Variants in FKTN observed in about 807,000 individuals in gnomAD.
FKTN encodes the protein fukutin.
FKTN carries 47 observed loss-of-function variants against 58.6 expected under a neutral mutation model. The ratio of observed to expected loss-of-function variants is 0.80; its 90% CI spans 0.63 to 1.02. The LOEUF is 1.02. FKTN is among the 50% of genes least tolerant of loss of function. The pLI is 0.00. For synonymous variants in FKTN, 178 were observed against 191.9 expected, an observed-to-expected ratio of 0.93 and a Z score of 0.60; for missense variants, 516 against 537.3, an observed-to-expected ratio of 0.96 and a Z score of 0.39.
chr9:105,566,771 G>A (rs61150079), intron 1 of FKTN, among the ~76,000 whole-genome samples: 2,752 of 152,294 alleles, frequency 0.018, 71 homozygotes, highest in African/African-American at 0.063. Flanking sequence ...CAGAAAAAGA[G>A]GGAATCCTCC....
chr9:105,581,763 A>G lies in FKTN; in HGVS notation c.105+6626A>G, dbSNP rs1216229929. Among the ~76,000 whole-genome samples, 22 of 152,188 alleles carry G rather than the reference A, an allele frequency of 1.4e-4. No homozygotes were observed. In the East Asian group the frequency reaches 3.9e-3, roughly 27 times the overall value. ...GGGCAATGGCGGGCGCCCCTCCCCC[A>G]GCCTCGCTGCCGCCTTGCAGTTTGA... On this transcript the variant is annotated intron_variant, in intron 3 of 10. Transcript: ENST00000357998.
intron 10 of FKTN, among the ~76,000 whole-genome samples, chr9:105,631,602 G>T (rs1177999974): frequency 3.3e-5 from 5 of 152,048 alleles, no homozygotes; most frequent in African/African-American, 1.2e-4. Flanking sequence ...CAAAAAGTGG[G>T]TGAAGGACAT....
chr9:105,624,264 T>C (rs1832447956), intron 10 of FKTN: 1 of 152,202 alleles, frequency 6.6e-6, no homozygotes, highest in Non-Finnish European at 1.5e-5. Flanking sequence ...CTTTTCACTT[T>C]CTTCTTATTA....
At chr9:105,595,832 T>C (rs1826687389) in intron 3 of FKTN, among the ~76,000 whole-genome samples, 1 of 152,192 alleles carries the variant, frequency 6.6e-6, no homozygotes, top group African/African-American at 2.4e-5. Flanking sequence ...CATCCTCCCA[T>C]CTATAGCTTA....
intron 5 of FKTN, among the ~76,000 whole-genome samples, chr9:105,602,614 G>A (rs1472091796): frequency 1.3e-5 from 2 of 152,204 alleles, no homozygotes; most frequent in Non-Finnish European, 2.9e-5. Flanking sequence ...GGAGTGCAGT[G>A]GTGCAATCTC....
At chr9:105,573,452 T>G (rs1587855260) in intron 1 of FKTN, among the ~76,000 whole-genome samples, 4 of 152,146 alleles carry the variant, frequency 2.6e-5, no homozygotes, top group Admixed American at 2.6e-4. Context: ...AGCAAGACCC[T>G]GTCTTTACAA....
chr9:105,587,114 A>G (rs189469227), intron 3 of FKTN, among the ~76,000 whole-genome samples: 5 of 152,328 alleles, frequency 3.3e-5, no homozygotes, highest in Non-Finnish European at 7.4e-5. Flanking sequence ...AGACAAAGCC[A>G]ATGAACTATG....
intron 8 of FKTN, among the ~76,000 whole-genome samples, chr9:105,616,879 CA>C (rs377163590): frequency 2.7e-3 from 326 of 119,802 alleles, no homozygotes; most frequent in East Asian, 5.3e-3. Flanking sequence ...TAGAATAAGC[CA>C]AAAAAAAAAA....
chr9:105,572,228 CTG>C (rs567499117), intron 1 of FKTN, among the ~76,000 whole-genome samples: 1,373 of 120,642 alleles, frequency 0.011, 22 homozygotes, highest in African/African-American at 0.048. Context: ...TTTCTTGAGA[CTG>C]TATATATATA....
intron 10 of FKTN, among the ~76,000 whole-genome samples, chr9:105,634,706 C>T (rs1833875893): frequency 6.6e-6 from 1 of 152,158 alleles, no homozygotes; most frequent in African/African-American, 2.4e-5. Flanking sequence ...TGACAGCTTT[C>T]TACTTTGACA....
chr9:105,579,227 T>C (rs1842379352), intron 3 of FKTN, among the ~76,000 whole-genome samples: 1 of 152,334 alleles, frequency 6.6e-6, no homozygotes, highest in African/African-American at 2.4e-5. Flanking sequence ...GTGTTTGCTC[T>C]TGCTTCTCTA....
At chr9:105,616,931 GT>G (rs1258848894) in intron 8 of FKTN, among the ~76,000 whole-genome samples, 1 of 151,252 alleles carries the variant, frequency 6.6e-6, no homozygotes, top group Non-Finnish European at 1.5e-5. Context: ...TTGCTTTAAG[GT>G]TTAATTTTTT....
intron 10 of FKTN, among the ~76,000 whole-genome samples, chr9:105,629,426 T>C (rs765677056): frequency 6.6e-6 from 1 of 152,206 alleles, no homozygotes; most frequent in Non-Finnish European, 1.5e-5. Flanking sequence ...AAGCCTTTTG[T>C]ATTGAGTATG....
intron 3 of FKTN, among the ~76,000 whole-genome samples, chr9:105,595,576 A>C (rs1826626003): frequency 6.6e-6 from 1 of 152,162 alleles, no homozygotes; most frequent in Non-Finnish European, 1.5e-5. Flanking sequence ...GTGAGGAGAG[A>C]CCAATTCTGG....
At chr9:105,576,598 T>C (rs1282425295) in intron 3 of FKTN, among the ~76,000 whole-genome samples, 1 of 132,042 alleles carries the variant, frequency 7.6e-6, no homozygotes, top group African/African-American at 3.0e-5. Context: ...TCCAAGTCTT[T>C]GCTATTGTGA....
Position 105,569,525 on chromosome 9 carries a change from T to G in FKTN, c.-180-4130T>G, listed in dbSNP as rs533685419. On this transcript the variant is annotated intron_variant, in intron 1 of 10. Coordinates refer to ENST00000357998, the MANE Select transcript of FKTN (RefSeq NM_001079802.2). The stretch of plus-strand genomic sequence containing the variant: ...GTGTTCTTGGCTGGAGATGACCTAC[T>G]CTTGGGGTCTAGCTGCCCCAAAGAC... Among the ~76,000 whole-genome samples, 57 of 152,276 alleles carry G rather than the reference T, an allele frequency of 3.7e-4. 1 individual carries two copies. Among genetic ancestry groups the G allele is most frequent in the African/African-American group, 1.2e-3 (48 of 41,552 alleles).
chr9:105,576,301 A>G (rs899293481), intron 3 of FKTN, among the ~76,000 whole-genome samples: 3 of 152,092 alleles, frequency 2.0e-5, no homozygotes, highest in Middle Eastern at 3.4e-3. Context: ...ATATCTCCCA[A>G]TGCTATCCCT....
At chr9:105,602,382 G>A (rs571972615) in intron 5 of FKTN, among the ~76,000 whole-genome samples, 3 of 152,228 alleles carry the variant, frequency 2.0e-5, no homozygotes, top group African/African-American at 7.2e-5. Flanking sequence ...GTTGGGTACA[G>A]TCCCACTTGC....
chr9:105,563,806 G>C (rs1461729107), intron 1 of FKTN, among the ~76,000 whole-genome samples: 1 of 152,154 alleles, frequency 6.6e-6, no homozygotes, highest in Admixed American at 6.5e-5. Context: ...AGAGAGTAGT[G>C]GTTCTCCCAG....
Sources: allele counts gnomAD v4.1 joint callset (sites outside exome capture counted in the v4.1 genomes callset), GRCh38; gene constraint gnomAD v4.1.1; transcripts MANE v1.5; gene names NCBI Gene and HGNC (gene_info 2026-07-23, HGNC 2026-07-21).